Variants in GABRB1 observed in about 807,000 individuals in gnomAD.
The protein encoded by GABRB1 is gamma-aminobutyric acid type A receptor subunit beta1.
A neutral mutation model predicts 51.6 loss-of-function variants in GABRB1; 17 were observed. The ratio of observed to expected loss-of-function variants is 0.33; its 90% CI spans 0.23 to 0.49. The LOEUF is 0.49. Ranked by LOEUF, GABRB1 falls within the 20% of genes least tolerant of loss-of-function variation. The pLI, the probability that GABRB1 is intolerant of heterozygous loss-of-function variation, is 0.99. For synonymous variants in GABRB1, 247 were observed against 218.9 expected, an observed-to-expected ratio of 1.13 and a Z score of -1.14; for missense variants, 410 against 600.6, an observed-to-expected ratio of 0.68 and a Z score of 3.32.
intron 4 of GABRB1, among the ~76,000 whole-genome samples, chr4:47,255,330 C>G (rs1018072003): frequency 2.3e-4 from 35 of 152,308 alleles, no homozygotes; most frequent in African/African-American, 7.5e-4. Flanking sequence ...AAAGCTCCCT[C>G]TTTTCTCCAA....
rs113264388 is a variant in GABRB1 at position 47,211,244 on chromosome 4, T to C, written c.461+49775T>C. On this transcript the variant is annotated intron_variant, in intron 4 of 8. Transcript: ENST00000295454. ...CTACTCACTGTAGCTTAGCTGTTCA[T>C]TCCAGGAGGGTCTCCTAGTGAGTGG... 3.2e-3 allele frequency among the ~76,000 whole-genome samples: 493 copies of C among 152,300 alleles called. 4 individuals are homozygous for C. Among genetic ancestry groups the C allele is most frequent in the African/African-American group, 0.011 (440 of 41,566 alleles).
intron 4 of GABRB1, among the ~76,000 whole-genome samples, chr4:47,188,703 C>T (rs1239128619): frequency 2.0e-5 from 3 of 151,926 alleles, no homozygotes; most frequent in Non-Finnish European, 4.4e-5. Flanking sequence ...ATTATGGAAT[C>T]AAGATTGACT....
chr4:47,208,300 C>T (rs770373971), intron 4 of GABRB1, among the ~76,000 whole-genome samples: 1 of 151,838 alleles, frequency 6.6e-6, no homozygotes, highest in Non-Finnish European at 1.5e-5. Context: ...TTCATTGAGA[C>T]AGGAAGTAGA....
chr4:47,224,331 T>A (rs930360114), intron 4 of GABRB1, among the ~76,000 whole-genome samples: 2 of 152,058 alleles, frequency 1.3e-5, no homozygotes, highest in Admixed American at 6.6e-5. Context: ...TGGCATTTTT[T>A]AAAACAGTAA....
At chr4:47,109,263 T>C (rs930951787) in intron 3 of GABRB1, among the ~76,000 whole-genome samples, 3 of 152,028 alleles carry the variant, frequency 2.0e-5, no homozygotes, top group African/African-American at 4.8e-5. Flanking sequence ...GAATAAATAA[T>C]GGAATAGAAC....
intron 5 of GABRB1, among the ~76,000 whole-genome samples, chr4:47,369,723 C>A (rs982524185): frequency 3.9e-5 from 6 of 152,088 alleles, no homozygotes; most frequent in African/African-American, 1.4e-4. Context: ...TTCTGATATA[C>A]TTTTCTTACT....
intron 1 of GABRB1, among the ~76,000 whole-genome samples, chr4:47,005,072 C>T (rs1003570763): frequency 6.6e-6 from 1 of 152,096 alleles, no homozygotes; most frequent in African/African-American, 2.4e-5. Context: ...CTTTGTGACT[C>T]CTAGGGTTAA....
chr4:47,397,997 T>TA (rs1287955558), intron 5 of GABRB1, among the ~76,000 whole-genome samples: 2 of 152,202 alleles, frequency 1.3e-5, no homozygotes, highest in Admixed American at 1.3e-4. Flanking sequence ...TTGTGAAACT[T>TA]ACGATGTTGA....
intron 4 of GABRB1, among the ~76,000 whole-genome samples, chr4:47,311,691 GT>G (rs904066968): frequency 1.3e-5 from 2 of 152,164 alleles, no homozygotes; most frequent in Non-Finnish European, 2.9e-5. Flanking sequence ...AATTTGTGTT[GT>G]TTTAAGCCAC....
intron 1 of GABRB1, among the ~76,000 whole-genome samples, chr4:47,003,644 A>G (rs537487116): frequency 6.6e-6 from 1 of 152,334 alleles, no homozygotes; most frequent in African/African-American, 2.4e-5. Context: ...CAGAGAAATC[A>G]TCTAGTTCTG....
chr4:47,032,090 AAG>A, intron 2 of GABRB1, 85 bp downstream of exon 2: 3 of 910,392 alleles, frequency 3.3e-6, no homozygotes, highest in East Asian at 2.7e-5. Context: ...AAAAAAAGAA[AAG>A]GCATGTCATT....
At chr4:47,082,353 C>T (rs978567468) in intron 3 of GABRB1, among the ~76,000 whole-genome samples, 4 of 151,980 alleles carry the variant, frequency 2.6e-5, no homozygotes, top group African/African-American at 9.7e-5. Flanking sequence ...AATACTGCTG[C>T]CTATGATGCC....
intron 3 of GABRB1, among the ~76,000 whole-genome samples, chr4:47,039,359 C>CAAA (rs10603411): frequency 4.6e-5 from 3 of 65,504 alleles, no homozygotes; most frequent in Non-Finnish European, 1.1e-4. Flanking sequence ...AAAGAAAATA[C>CAAA]AAAAAAAAAA....
At chr4:47,263,915 G>A (rs1722548500) in intron 4 of GABRB1, among the ~76,000 whole-genome samples, 1 of 151,970 alleles carries the variant, frequency 6.6e-6, no homozygotes, top group Non-Finnish European at 1.5e-5. Context: ...GGGAGGCCAA[G>A]GCCAGTGGAT....
At chr4:47,194,525 C>T (rs1295824592) in intron 4 of GABRB1, among the ~76,000 whole-genome samples, 1 of 152,162 alleles carries the variant, frequency 6.6e-6, no homozygotes, top group Non-Finnish European at 1.5e-5. Flanking sequence ...TTTTTGCTCA[C>T]TGAATTCTAA....
intron 4 of GABRB1, among the ~76,000 whole-genome samples, chr4:47,194,011 A>G (rs919495258): frequency 6.6e-6 from 1 of 152,242 alleles, no homozygotes; most frequent in Admixed American, 6.5e-5. Flanking sequence ...GTTTACTTTG[A>G]AAATGACAGT....
At chr4:47,298,590 G>A (rs987258115) in intron 4 of GABRB1, among the ~76,000 whole-genome samples, 4 of 152,132 alleles carry the variant, frequency 2.6e-5, no homozygotes, top group African/African-American at 4.8e-5. Context: ...AATAAAAGAG[G>A]ATACAAAGAA....
intron 5 of GABRB1, among the ~76,000 whole-genome samples, chr4:47,322,763 G>A (rs1436888017): frequency 6.6e-6 from 1 of 152,102 alleles, no homozygotes; most frequent in Admixed American, 6.5e-5. Flanking sequence ...CTGAGGTCAG[G>A]AGTTCGAGAC....
intron 1 of GABRB1, among the ~76,000 whole-genome samples, chr4:46,996,075 T>G (rs895790997): frequency 1.4e-4 from 22 of 152,048 alleles, no homozygotes; most frequent in African/African-American, 5.3e-4. Flanking sequence ...TTGAGGTTTT[T>G]TTTTTTTTTT....
Sources: gnomAD v4.1 joint callset for allele counts (sites outside exome capture counted in the v4.1 genomes callset) on GRCh38, gnomAD v4.1.1 for gene constraint, MANE v1.5 for transcripts, NCBI Gene and HGNC (gene_info 2026-07-23, HGNC 2026-07-21) for gene names.